The following ITIH5 variants were observed in gnomAD, a reference collection of about 807,000 sequenced individuals.
ITIH5 encodes inter-alpha-trypsin inhibitor heavy chain H5.
A neutral mutation model predicts 77.5 loss-of-function variants in ITIH5; 65 were observed. That is an observed-to-expected ratio of 0.84 (90% CI 0.69 to 1.03). ITIH5 has a LOEUF of 1.03. Ranked by LOEUF, ITIH5 falls within the 50% of genes least tolerant of loss-of-function variation. The pLI, the probability that ITIH5 is intolerant of heterozygous loss-of-function variation, is 0.00. For synonymous variants in ITIH5, 525 were observed against 494.3 expected, an observed-to-expected ratio of 1.06 and a Z score of -0.82; for missense variants, 1,208 against 1,213.1, an observed-to-expected ratio of 1.00 and a Z score of 0.06.
At chr10:7,627,827 CTTTTTTTTTTTTTTTTTT>C (rs869139058) in intron 5 of ITIH5, among the ~76,000 whole-genome samples, 1 of 90,804 alleles carries the variant, frequency 1.1e-5, no homozygotes, top group African/African-American at 4.9e-5. Context: ...TGAAATTAAC[CTTTTTTTTTTTTTTTTTT>C]TTTTTTTTTT....
intron 2 of ITIH5, among the ~76,000 whole-genome samples, chr10:7,643,431 G>T (rs1833920366): frequency 6.6e-6 from 1 of 152,162 alleles, no homozygotes; most frequent in East Asian, 1.9e-4. Flanking sequence ...ATTGGTCCAT[G>T]CCAGCAAGTA....
chr10:7,625,601 T>C (rs112963186), intron 5 of ITIH5, among the ~76,000 whole-genome samples: 20,784 of 151,772 alleles, frequency 0.14, 1,575 homozygotes, highest in East Asian at 0.25. Flanking sequence ...CCTGTCTCTA[T>C]TAAAAACACA....
chr10:7,646,941 T>C (rs1834017603), intron 2 of ITIH5, among the ~76,000 whole-genome samples: 1 of 152,196 alleles, frequency 6.6e-6, no homozygotes, highest in South Asian at 2.1e-4. Context: ...GCACACTCAG[T>C]TTCAAAGGCA....
chr10:7,658,272 C>G (rs369071386), intron 1 of ITIH5, among the ~76,000 whole-genome samples: 6 of 152,192 alleles, frequency 3.9e-5, no homozygotes, highest in African/African-American at 1.4e-4. Flanking sequence ...ATAAGAGAAA[C>G]TCTTTTAACC....
intron 7 of ITIH5, among the ~76,000 whole-genome samples, chr10:7,590,592 T>G (rs918093678): frequency 6.6e-6 from 1 of 152,212 alleles, no homozygotes; most frequent in Non-Finnish European, 1.5e-5. Context: ...ACGGTTTTCA[T>G]GTCAATGGAG....
intron 2 of ITIH5, 67 bp from the exon 3 acceptor site, chr10:7,642,157 C>CA: frequency 3.0e-6 from 3 of 996,836 alleles, no homozygotes; most frequent in Non-Finnish European, 4.2e-6. Flanking sequence ...AGTGGAACAT[C>CA]TTTTTTTTTT....
intron 7 of ITIH5, among the ~76,000 whole-genome samples, chr10:7,596,956 G>A (rs534682956): frequency 6.8e-6 from 1 of 146,494 alleles, no homozygotes; most frequent in Admixed American, 7.1e-5. Flanking sequence ...TGAGGCGGGA[G>A]AATTGCATGA....
intron 7 of ITIH5, among the ~76,000 whole-genome samples, chr10:7,607,517 GA>G (rs1588394756): frequency 6.6e-6 from 1 of 152,122 alleles, no homozygotes; most frequent in Admixed American, 6.5e-5. Flanking sequence ...GAGAAACTTG[GA>G]AAAATGAATC....
intron 12 of ITIH5, among the ~76,000 whole-genome samples, chr10:7,567,319 T>TTATTATTATTATTA (rs1832206359): frequency 7.2e-6 from 1 of 139,498 alleles, no homozygotes. Flanking sequence ...TCGGACATCT[T>TTATTATTATTATTA]TTATTATTAT....
At position 7,561,754 on chromosome 10, in the gene ITIH5, A is replaced by T. The variant is rs2130930557; in HGVS notation, c.*1329T>A. The T allele has an allele frequency of 6.6e-6, 1 of 152,288 alleles. No homozygotes were observed. Among genetic ancestry groups the T allele is most frequent in the Non-Finnish European group, 1.5e-5 (1 of 68,042 alleles). 9.4% of individuals were successfully genotyped at this position (152,288 alleles called of 1,614,324 possible). On this transcript the variant is annotated 3_prime_UTR_variant, in exon 14 of 14. Transcript: ENST00000397146. ...CTCCCAGTGCTAAGCATGCCTTCTCATTTCACGCGGGGGCTGCTCTGGTGT... is the reference window on the plus strand; with the variant it reads ...CTCCCAGTGCTAAGCATGCCTTCTCTTTTCACGCGGGGGCTGCTCTGGTGT...
rs1448723554 is a variant in ITIH5 at position 7,644,755 on chromosome 10, A to ATCTG, written c.136-2666_136-2665insCAGA. On this transcript the variant is annotated intron_variant, in intron 2 of 13. Transcript: ENST00000397146. Reference sequence around the variant, plus strand: ...TATCTATATCACATATATATCACATATATCACATATATATCATATATATCA... The same window carrying ATCTG: ...TATCTATATCACATATATATCACATATCTGTATCACATATATATCATATATATCA... Among the ~76,000 whole-genome samples, 45 of 141,238 alleles carry ATCTG rather than the reference A, an allele frequency of 3.2e-4. 1 individual carries two copies. The highest frequency in any genetic ancestry group is 1.2e-3 in the African/African-American group (43 of 37,214). The allele number at this position is 141,238 out of a possible 152,430, so 92.7% of individuals were successfully genotyped here.
Position 7,562,923 on chromosome 10 carries a change from T to C in ITIH5, c.*160A>G. On this transcript the variant is annotated 3_prime_UTR_variant, in exon 14 of 14. Coordinates refer to ENST00000397146, the MANE Select transcript of ITIH5 (RefSeq NM_030569.7). ...TTCCCGCCCCTACCCACCCCTACCC[T>C]TCGCCCAGACAGACGTCGGATCTAT... 6.9e-6 allele frequency: 3 copies of C among 436,086 alleles called. No individual in the cohort carries two copies. The highest frequency in any genetic ancestry group is 8.8e-4 in the Middle Eastern group (1 of 1,134). 27.0% of individuals were successfully genotyped at this position (436,086 alleles called of 1,614,324 possible). A position where few individuals can be genotyped will look rare whatever the true frequency, so the allele number is the denominator to read the frequency against.
intron 11 of ITIH5, chr10:7,572,545 G>T: frequency 1.8e-6 from 2 of 1,134,144 alleles, no homozygotes; most frequent in Middle Eastern, 3.8e-4. Context: ...CTCAATGAGG[G>T]TCAGAATGTG....
chr10:7,567,501 A>AC (rs1452812555), intron 12 of ITIH5, among the ~76,000 whole-genome samples: 3 of 136,534 alleles, frequency 2.2e-5, no homozygotes, highest in African/African-American at 8.3e-5. Flanking sequence ...CCCTGACCCC[A>AC]CGACAGGCCC....
chr10:7,613,205 C>G (rs1350426841), intron 7 of ITIH5, among the ~76,000 whole-genome samples: 3 of 149,124 alleles, frequency 2.0e-5, no homozygotes, highest in African/African-American at 7.6e-5. Flanking sequence ...GAGATCATGC[C>G]ATTGCACTCC....
chr10:7,565,880 A>G (rs941060488), intron 13 of ITIH5, 150 bp downstream of exon 13: 5 of 937,254 alleles, frequency 5.3e-6, no homozygotes, highest in Non-Finnish European at 7.8e-6. Context: ...ACACACACAT[A>G]CATACATACA....
At chr10:7,582,064 G>A (rs1051046242) in intron 8 of ITIH5, among the ~76,000 whole-genome samples, 1 of 151,422 alleles carries the variant, frequency 6.6e-6, no homozygotes, top group Admixed American at 6.6e-5. Flanking sequence ...TTTTAGTAGA[G>A]ACGGGTTTCA....
intron 7 of ITIH5, among the ~76,000 whole-genome samples, chr10:7,604,631 C>T (rs58385051): frequency 0.024 from 3,633 of 152,284 alleles, 150 homozygotes; most frequent in African/African-American, 0.083. Context: ...ATAGCATATT[C>T]AGCCTTCTTT....
chr10:7,619,048 C>T (rs7904081), intron 5 of ITIH5: 43,029 of 152,126 alleles, frequency 0.28, 6,925 homozygotes, highest in East Asian at 0.38. Flanking sequence ...CACAGATCTG[C>T]TCATCTGAAG....
Sources: allele counts gnomAD v4.1 joint callset (sites outside exome capture counted in the v4.1 genomes callset), GRCh38; gene constraint gnomAD v4.1.1; transcripts MANE v1.5; gene names NCBI Gene and HGNC (gene_info 2026-07-23, HGNC 2026-07-21).